LARGE1: variants seen among roughly 807,000 people sequenced by gnomAD.
LARGE1 encodes the protein xylosyl- and glucuronyltransferase LARGE1.
Under a neutral mutation model 87.6 loss-of-function variants are expected in LARGE1, and 43 were observed. The ratio of observed to expected loss-of-function variants is 0.49; its 90% CI spans 0.38 to 0.63. LARGE1 has a LOEUF of 0.63. Ranked by LOEUF, LARGE1 falls within the 30% of genes least tolerant of loss-of-function variation. The pLI, the probability that LARGE1 is intolerant of heterozygous loss-of-function variation, is 0.00. For missense variants in LARGE1, 802 were observed against 1,000.2 expected, an observed-to-expected ratio of 0.80 and a Z score of 2.67; for synonymous variants, 434 against 394.6, an observed-to-expected ratio of 1.10 and a Z score of -1.18.
At chr22:33,400,026 C>T (rs142732909) in intron 7 of LARGE1, among the ~76,000 whole-genome samples, 19 of 152,336 alleles carry the variant, frequency 1.2e-4, no homozygotes, top group East Asian at 3.9e-4. Flanking sequence ...GCAGAAATCA[C>T]GCTCACTTGT....
At chr22:33,809,250 G>A (rs2086415056) in intron 1 of LARGE1, among the ~76,000 whole-genome samples, 1 of 140,298 alleles carries the variant, frequency 7.1e-6, no homozygotes, top group Non-Finnish European at 1.5e-5. Flanking sequence ...CCAGCCTGGT[G>A]ACAGAGTGAG....
At chr22:33,628,066 C>T (rs573304897) in intron 3 of LARGE1, among the ~76,000 whole-genome samples, 3 of 152,226 alleles carry the variant, frequency 2.0e-5, no homozygotes, top group South Asian at 2.1e-4. Context: ...ATGGGTGCTA[C>T]GGTCTCCACC....
At chr22:33,625,370 G>A (rs919897803) in intron 4 of LARGE1, among the ~76,000 whole-genome samples, 8 of 152,318 alleles carry the variant, frequency 5.3e-5, no homozygotes, top group African/African-American at 1.9e-4. Flanking sequence ...GTGTCACATG[G>A]AGAAGAGATG....
At chr22:33,761,633 C>G (rs2084734338) in intron 1 of LARGE1, 75 bp from the exon 2 acceptor site, 6 of 690,202 alleles carry the variant, frequency 8.7e-6, no homozygotes, top group Admixed American at 8.4e-5. Context: ...AGAGAAATAT[C>G]TCATAGATCC....
chr22:33,465,767 CTGAG>C (rs2068581976), intron 6 of LARGE1, among the ~76,000 whole-genome samples: 1 of 152,206 alleles, frequency 6.6e-6, no homozygotes, highest in South Asian at 2.1e-4. Context: ...CCTTAAAAGG[CTGAG>C]TGACAGTGAC....
chr22:33,190,970 A>C (rs1320395305), intron 11 of LARGE1, among the ~76,000 whole-genome samples: 4 of 152,120 alleles, frequency 2.6e-5, no homozygotes, highest in Admixed American at 2.6e-4. Flanking sequence ...CCTTGTGCTA[A>C]GTTTTATCAC....
the LARGE1 span, among the ~76,000 whole-genome samples, chr22:33,090,006 C>A: frequency 6.6e-6 from 1 of 151,696 alleles, no homozygotes; most frequent in Non-Finnish European, 1.5e-5. Context: ...AGTTCAAGAC[C>A]AGCCTGGCCA....
intron 1 of LARGE1, among the ~76,000 whole-genome samples, chr22:33,806,637 G>A (rs1444612523): frequency 6.6e-6 from 1 of 152,048 alleles, no homozygotes; most frequent in African/African-American, 2.4e-5. Context: ...GCCGTGTCCA[G>A]GGCTTAGAAG....
chr22:33,527,195 G>A (rs533184112), intron 6 of LARGE1, among the ~76,000 whole-genome samples: 1 of 152,338 alleles, frequency 6.6e-6, no homozygotes, highest in African/African-American at 2.4e-5. Context: ...GGCAGAGGTT[G>A]CAGTGAGCCG....
intron 6 of LARGE1, among the ~76,000 whole-genome samples, chr22:33,458,802 T>G (rs1056882468): frequency 1.3e-5 from 2 of 152,130 alleles, no homozygotes; most frequent in African/African-American, 4.8e-5. Context: ...AAGTCTGGTC[T>G]TGACTTGAAT....
chr22:33,687,270 C>T (rs546698520), intron 2 of LARGE1, among the ~76,000 whole-genome samples: 3 of 151,558 alleles, frequency 2.0e-5, no homozygotes, highest in East Asian at 2.0e-4. Context: ...GTTAGGATTA[C>T]AGGCGTGTGC....
intron 1 of LARGE1, among the ~76,000 whole-genome samples, chr22:33,849,844 T>TC (rs2063538008): frequency 6.6e-6 from 1 of 152,036 alleles, no homozygotes; most frequent in Non-Finnish European, 1.5e-5. Flanking sequence ...CAGGCGATCC[T>TC]CCCGCCTCTG....
Position 33,278,567 on chromosome 22 carries a change from A to T in LARGE1, c.1878-1312T>A, listed in dbSNP as rs1044908150. On this transcript the variant is annotated intron_variant, in intron 13 of 14. Transcript: ENST00000397394. The stretch of plus-strand genomic sequence containing the variant: ...ATCTCTCTCTCTCACACACACACAC[A>T]CACACACACACACACACACACGCAG... 1.8e-3 allele frequency among the ~76,000 whole-genome samples: 274 copies of T among 151,842 alleles called. 1 individual carries two copies. Among genetic ancestry groups the T allele is most frequent in the African/African-American group, 6.0e-3 (248 of 41,326 alleles).
At chr22:33,224,081 C>T (rs540829288) in intron 11 of LARGE1, among the ~76,000 whole-genome samples, 72 of 152,174 alleles carry the variant, frequency 4.7e-4, no homozygotes, top group Non-Finnish European at 8.7e-4. Flanking sequence ...ATCAGGAGAT[C>T]GAGACCATCC....
intron 1 of LARGE1, among the ~76,000 whole-genome samples, chr22:33,895,448 A>G (rs905909530): frequency 3.9e-5 from 6 of 152,222 alleles, no homozygotes; most frequent in African/African-American, 7.2e-5. Flanking sequence ...GCTCAGTGTG[A>G]GCCTGGGCAT....
chr22:33,328,565 C>T (rs1338155938), intron 10 of LARGE1, among the ~76,000 whole-genome samples: 3 of 149,484 alleles, frequency 2.0e-5, no homozygotes, highest in Admixed American at 6.7e-5. Context: ...GGTGACAGAG[C>T]GAGACTCTCT....
At chr22:33,515,713 G>A (rs1405932555) in intron 6 of LARGE1, among the ~76,000 whole-genome samples, 1 of 152,166 alleles carries the variant, frequency 6.6e-6, no homozygotes, top group African/African-American at 2.4e-5. Flanking sequence ...TGCCCAAAAG[G>A]TGGTGCATGG....
chr22:33,774,824 T>C (rs73885511), intron 1 of LARGE1, among the ~76,000 whole-genome samples: 2 of 152,218 alleles, frequency 1.3e-5, no homozygotes, highest in African/African-American at 2.4e-5. Context: ...CAGTTTGAAG[T>C]AGCCACGCTT....
chr22:33,817,485 CA>C (rs2086690007), intron 1 of LARGE1, among the ~76,000 whole-genome samples: 1 of 152,152 alleles, frequency 6.6e-6, no homozygotes, highest in Non-Finnish European at 1.5e-5. Flanking sequence ...GCAGACCCCA[CA>C]ACCTTCATGG....
Sources: allele counts gnomAD v4.1 joint callset (sites outside exome capture counted in the v4.1 genomes callset), GRCh38; gene constraint gnomAD v4.1.1; transcripts MANE v1.5; gene names NCBI Gene and HGNC (gene_info 2026-07-23, HGNC 2026-07-21).